CDH4: variants seen among roughly 807,000 people sequenced by gnomAD.
CDH4 encodes cadherin 4.
Under a neutral mutation model 86.0 loss-of-function variants are expected in CDH4, and 33 were observed. The observed-to-expected ratio is 0.38, with a 90% CI of 0.29 to 0.51. The LOEUF is 0.51. Ranked by LOEUF, CDH4 falls within the 20% of genes least tolerant of loss-of-function variation. CDH4 has a pLI of 0.86. For synonymous variants in CDH4, 555 were observed against 549.4 expected, an observed-to-expected ratio of 1.01 and a Z score of -0.14; for missense variants, 1,114 against 1,307.4, an observed-to-expected ratio of 0.85 and a Z score of 2.28.
At chr20:61,716,549 G>T (rs2087956890) in intron 2 of CDH4, among the ~76,000 whole-genome samples, 1 of 152,226 alleles carries the variant, frequency 6.6e-6, no homozygotes. Context: ...CCATGGGCTT[G>T]TCTACAGAAT....
At chr20:61,835,973 A>G (rs1280539789) in intron 4 of CDH4, among the ~76,000 whole-genome samples, 1 of 152,168 alleles carries the variant, frequency 6.6e-6, no homozygotes, top group Admixed American at 6.5e-5. Context: ...AAGGACCCTG[A>G]CTACCCACAG....
At position 61,727,679 on chromosome 20, in the gene CDH4, C is replaced by T. The variant is rs149262022; in HGVS notation, c.170-15884C>T. 1.3e-4 allele frequency among the ~76,000 whole-genome samples: 20 copies of T among 152,272 alleles called. No homozygotes were observed. In the East Asian group the frequency reaches 3.1e-3, roughly 24 times the overall value. On this transcript the variant is annotated intron_variant, in intron 2 of 15. Transcript: ENST00000614565. The stretch of plus-strand genomic sequence containing the variant: ...AAGGAGACCATAGGTGTGCAGATCA[C>T]GTGGTGAGAGAGGAGGTGGGAGAGT...
chr20:61,327,370 A>T (rs551788614), intron 2 of CDH4, among the ~76,000 whole-genome samples: 1 of 152,174 alleles, frequency 6.6e-6, no homozygotes, highest in Non-Finnish European at 1.5e-5. Flanking sequence ...CCCACAACTC[A>T]ATTTGGTGGA....
chr20:61,730,084 G>A (rs1175363472), intron 2 of CDH4, among the ~76,000 whole-genome samples: 7 of 152,248 alleles, frequency 4.6e-5, no homozygotes, highest in South Asian at 2.1e-4. Context: ...TGTTGTTAAC[G>A]TCTTGCATTC....
chr20:61,398,988 T>TGATGTGGGTTAAATGTG (rs1054797515), intron 2 of CDH4, among the ~76,000 whole-genome samples: 2 of 152,226 alleles, frequency 1.3e-5, no homozygotes, highest in East Asian at 1.9e-4. Context: ...GGTTAAATGC[T>TGATGTGGGTTAAATGTG]GATGTGGGTT....
intron 2 of CDH4, among the ~76,000 whole-genome samples, chr20:61,405,175 G>C (rs1165664529): frequency 6.6e-6 from 1 of 151,874 alleles, no homozygotes; most frequent in Non-Finnish European, 1.5e-5. Flanking sequence ...CCCTCCTTTC[G>C]ACCCTGCCTC....
At chr20:61,824,736 C>T (rs1981229436) in intron 4 of CDH4, among the ~76,000 whole-genome samples, 1 of 152,188 alleles carries the variant, frequency 6.6e-6, no homozygotes, top group Admixed American at 6.5e-5. Flanking sequence ...GAAATCCTTT[C>T]CTGTGAAGGC....
intron 2 of CDH4, among the ~76,000 whole-genome samples, chr20:61,551,490 A>G (rs907106816): frequency 1.3e-5 from 2 of 152,092 alleles, no homozygotes; most frequent in Non-Finnish European, 2.9e-5. Flanking sequence ...CTCTCATTCA[A>G]TTGCCCTCTT....
chr20:61,806,024 C>T (rs1980107216), intron 4 of CDH4, among the ~76,000 whole-genome samples: 1 of 152,192 alleles, frequency 6.6e-6, no homozygotes. Context: ...GAAACCTCGC[C>T]TGGGGGCTCC....
In CDH4 at chr20:61,829,343, C is replaced by T. The variant is rs1022915823; in HGVS notation, c.577-15325C>T. On this transcript the variant is annotated intron_variant, in intron 4 of 15. Coordinates refer to ENST00000614565, the MANE Select transcript of CDH4 (RefSeq NM_001794.5). The surrounding 1 kb of genome is among the most constrained non-coding windows in gnomAD (Gnocchi z 4.2). ...CTGCAGCTCGTATCAGAACCTAGTT[C>T]CTTTCAGGGCCAAATAACATTTCAC... 6.6e-6 allele frequency among the ~76,000 whole-genome samples: 1 copy of T among 152,204 alleles called. No individual in the cohort carries two copies. The highest frequency in any genetic ancestry group is 1.9e-4 in the East Asian group (1 of 5,202).
At chr20:61,784,940 G>C (rs1978795330) in intron 4 of CDH4, among the ~76,000 whole-genome samples, 1 of 152,140 alleles carries the variant, frequency 6.6e-6, no homozygotes, top group Non-Finnish European at 1.5e-5. Flanking sequence ...CTGGCCTCCA[G>C]CTCACTGCCC....
At position 61,879,149 on chromosome 20, in the gene CDH4, G is replaced by A. The variant is rs879591959; in HGVS notation, c.1050+5249G>A. On this transcript the variant is annotated intron_variant, in intron 7 of 15. Coordinates refer to ENST00000614565, the MANE Select transcript of CDH4 (RefSeq NM_001794.5). The surrounding 1 kb of genome is among the most constrained non-coding windows in gnomAD (Gnocchi z 4.1). ...ACTGACAGCAGTGTAGACGCCAAGC[G>A]AGCACCAGTTCAGCTCCCCCGGGAC... Among the ~76,000 whole-genome samples the A allele has an allele frequency of 6.6e-5, 10 of 152,320 alleles. No homozygotes were observed. In the East Asian group the frequency reaches 1.2e-3, roughly 18 times the overall value.
intron 2 of CDH4, among the ~76,000 whole-genome samples, chr20:61,390,757 T>A (rs796236422): frequency 1.9e-5 from 2 of 105,194 alleles, no homozygotes; most frequent in Non-Finnish European, 1.8e-5. Context: ...GTGCCCATAG[T>A]GCCGTGTCTG....
At chr20:61,489,681 C>T (rs563595076) in intron 2 of CDH4, among the ~76,000 whole-genome samples, 7 of 152,362 alleles carry the variant, frequency 4.6e-5, no homozygotes, top group East Asian at 1.9e-4. Context: ...ACGCTTTGCA[C>T]GCATTAAGCA....
At chr20:61,831,715 T>C (rs1375015752) in intron 4 of CDH4, among the ~76,000 whole-genome samples, 4 of 152,222 alleles carry the variant, frequency 2.6e-5, no homozygotes, top group African/African-American at 7.2e-5. Context: ...TCCAGGCTCC[T>C]GGGCGGGGTG....
At chr20:61,383,734 G>GATATATATGAAGATATATGC (rs1473332652) in intron 2 of CDH4, among the ~76,000 whole-genome samples, 10 of 137,894 alleles carry the variant, frequency 7.3e-5, no homozygotes, top group African/African-American at 1.9e-4. Flanking sequence ...ATAAATATAT[G>GATATATATGAAGATATATGC]ATATATATGA....
At chr20:61,704,706 T>C (rs2087811276) in intron 2 of CDH4, among the ~76,000 whole-genome samples, 1 of 152,160 alleles carries the variant, frequency 6.6e-6, no homozygotes, top group Non-Finnish European at 1.5e-5. Context: ...CAATATCTAA[T>C]CTCTACGGTG....
intron 4 of CDH4, among the ~76,000 whole-genome samples, chr20:61,801,270 T>C (rs557803403): frequency 6.7e-6 from 1 of 149,256 alleles, no homozygotes; most frequent in South Asian, 2.2e-4. Context: ...ATTGGGGGAG[T>C]GGGGTCAGGC....
In CDH4 at chr20:61,920,916, CGTG is replaced by C. The variant is rs776958770; in HGVS notation, c.1375-2531_1375-2529del. On this transcript the variant is annotated intron_variant, in intron 9 of 15. Coordinates refer to ENST00000614565, the MANE Select transcript of CDH4 (RefSeq NM_001794.5). ...TGGTGATTGCATGGAAGCGTGGTGT[CGTG>C]GTGATTGCATGGAAGCATGGTGTCA... Among the ~76,000 whole-genome samples the C allele has an allele frequency of 2.5e-3, 347 of 137,832 alleles. 2 individuals carry two copies. Among genetic ancestry groups the C allele is most frequent in the African/African-American group, 5.5e-3 (199 of 36,512 alleles). The allele number at this position is 137,832 out of a possible 152,430, so 90.4% of individuals were successfully genotyped here.
Sources: allele counts gnomAD v4.1 joint callset (sites outside exome capture counted in the v4.1 genomes callset), GRCh38; gene constraint gnomAD v4.1.1; non-coding constraint Gnocchi (gnomAD v3.1); transcripts MANE v1.5; gene names NCBI Gene and HGNC (gene_info 2026-07-23, HGNC 2026-07-21).